FAM135A: variants seen among roughly 807,000 people sequenced by gnomAD.
The protein encoded by FAM135A is protein FAM135A.
In FAM135A, 79 loss-of-function variants were observed where a neutral mutation model predicts 146.8. The ratio of observed to expected loss-of-function variants is 0.54; its 90% CI spans 0.45 to 0.65. FAM135A has a LOEUF of 0.65. Ranked by LOEUF, FAM135A falls within the 30% of genes least tolerant of loss-of-function variation. FAM135A has a pLI of 0.00. For synonymous variants in FAM135A, 562 were observed against 603.6 expected, an observed-to-expected ratio of 0.93 and a Z score of 1.01; for missense variants, 1,623 against 1,758.2, an observed-to-expected ratio of 0.92 and a Z score of 1.38.
intron 12 of FAM135A, among the ~76,000 whole-genome samples, chr6:70,518,159 C>T (rs796278353): frequency 4.6e-5 from 7 of 152,048 alleles, no homozygotes; most frequent in African/African-American, 1.7e-4. Flanking sequence ...TCTAATGGAA[C>T]GATAAGAAAG....
intron 11 of FAM135A, among the ~76,000 whole-genome samples, chr6:70,500,485 A>G (rs950503167): frequency 1.3e-5 from 2 of 152,246 alleles, no homozygotes; most frequent in Admixed American, 6.5e-5. Flanking sequence ...CCTTCTGTCA[A>G]TTCGTCAGTC....
intron 12 of FAM135A, among the ~76,000 whole-genome samples, chr6:70,520,556 T>C (rs1454346468): frequency 6.6e-6 from 1 of 152,202 alleles, no homozygotes; most frequent in East Asian, 1.9e-4. Flanking sequence ...CTTGGCTGTC[T>C]TCCTCCTAGC....
At position 70,457,993 on chromosome 6, in the gene FAM135A, T is replaced by G. The variant is rs187671432; in HGVS notation, c.157+5422T>G. On this transcript the variant is annotated intron_variant, in intron 5 of 21. Coordinates refer to ENST00000418814, the MANE Select transcript of FAM135A (RefSeq NM_001162529.3). ...ATGTAGTGATCTGATAGTTTACTAG[T>G]ATATTTAAAGGAAATATCTTTTAAA... Among the ~76,000 whole-genome samples the G allele has an allele frequency of 4.1e-4, 63 of 152,284 alleles. No individual in the cohort carries two copies. The East Asian group carries it at 0.011, about 26-fold the overall frequency.
intron 2 of FAM135A, among the ~76,000 whole-genome samples, chr6:70,419,161 C>T (rs1052027383): frequency 1.3e-5 from 2 of 152,238 alleles, no homozygotes; most frequent in African/African-American, 4.8e-5. Context: ...TGGCTCACGC[C>T]TGTAATCCCA....
chr6:70,481,541 G>A (rs1017085984), intron 9 of FAM135A, among the ~76,000 whole-genome samples: 2 of 152,022 alleles, frequency 1.3e-5, no homozygotes, highest in Non-Finnish European at 1.5e-5. Flanking sequence ...CCTGAGGCAG[G>A]TGAATCGCTT....
chr6:70,467,619 T>C (rs1316294107), intron 5 of FAM135A, among the ~76,000 whole-genome samples: 1 of 152,120 alleles, frequency 6.6e-6, no homozygotes, highest in East Asian at 1.9e-4. Flanking sequence ...ATGATATTTC[T>C]TCACCTTTAT....
chr6:70,559,818 C>G lies in FAM135A; in HGVS notation c.4445C>G (p.Thr1482Arg). The change falls in exon 22 of 22, where the codon ACA becomes AGA. Residue 1482 changes from threonine (T) to arginine (R), a missense_variant. Thr to Arg is a moderately conservative substitution (Grantham distance 71). This residue lies in a region of FAM135A where 138 missense variants were observed against 174.1 expected (regional missense o/e 0.79). Transcript: ENST00000418814. The stretch of plus-strand genomic sequence containing the variant: ...AATGTCATCAATGCATTGCCCAATA[C>G]AGCTGATTCACTCATTGGGAGAGCT... Reference protein sequence around the residue: ...RYNVINALPNTADSLIGRAAH... With the variant: ...RYNVINALPNRADSLIGRAAH... 1 of 1,614,082 alleles carries G rather than the reference C, an allele frequency of 6.2e-7. No individual in the cohort carries two copies. The highest frequency in any genetic ancestry group is 8.5e-7 in the Non-Finnish European group (1 of 1,179,950).
rs1801593310 is a variant in FAM135A at position 70,559,670 on chromosome 6, A to C, written c.4343-46A>C. ...AAATTGGCATAGTTTTTTTATTTTC[A>C]GTTACTATTGTGAACTAATTTTCCT... is the stretch of plus-strand genomic sequence containing the variant. On this transcript the variant is annotated intron_variant, in intron 21 of 21. Transcript: ENST00000418814. 6 of 1,450,658 alleles carry C rather than the reference A, an allele frequency of 4.1e-6. No homozygotes were observed. The East Asian group carries it at 1.4e-4, about 34-fold the overall frequency. The allele number at this position is 1,450,658 out of a possible 1,614,324, so 89.9% of individuals were successfully genotyped here.
intron 20 of FAM135A, among the ~76,000 whole-genome samples, chr6:70,555,001 G>A (rs1295695291): frequency 6.6e-6 from 1 of 152,128 alleles, no homozygotes; most frequent in East Asian, 1.9e-4. Context: ...CAATTTATAG[G>A]AAATGTGTGC....
intron 21 of FAM135A, chr6:70,557,718 A>C (rs1159764754): frequency 6.7e-6 from 1 of 149,734 alleles, no homozygotes. Context: ...AAAAAAAAAA[A>C]CCCTGGTCTC....
At chr6:70,554,987 C>T (rs1489894607) in intron 20 of FAM135A, among the ~76,000 whole-genome samples, 1 of 152,184 alleles carries the variant, frequency 6.6e-6, no homozygotes. Flanking sequence ...AGATTTAGCT[C>T]ATTCAATTTA....
At position 70,556,878 on chromosome 6, in the gene FAM135A, T is replaced by G. The variant is rs767955284; in HGVS notation, c.4342+15T>G. 5.6e-6 allele frequency: 9 copies of G among 1,607,270 alleles called. No homozygotes were observed. The South Asian group carries it at 8.8e-5, about 16-fold the overall frequency. On this transcript the variant is annotated intron_variant, in intron 21 of 21. Transcript: ENST00000418814. ...CAAACAGTCAGGTAATGGAATAAAATTATTTCAAAGAGTTATAGGTATTAA... is the reference window on the plus strand; with the variant it reads ...CAAACAGTCAGGTAATGGAATAAAAGTATTTCAAAGAGTTATAGGTATTAA...
At chr6:70,449,573 T>G (rs889750718) in intron 4 of FAM135A, among the ~76,000 whole-genome samples, 2 of 152,216 alleles carry the variant, frequency 1.3e-5, no homozygotes, top group South Asian at 2.1e-4. Context: ...TTGTTGCAAA[T>G]GACAGAATTT....
intron 5 of FAM135A, among the ~76,000 whole-genome samples, chr6:70,460,223 C>G (rs1406367159): frequency 1.3e-5 from 2 of 152,188 alleles, no homozygotes; most frequent in Non-Finnish European, 2.9e-5. Context: ...CCCTCTCCCC[C>G]AACCTTTTAA....
intron 18 of FAM135A, among the ~76,000 whole-genome samples, chr6:70,535,167 C>G (rs994166532): frequency 6.6e-6 from 1 of 152,108 alleles, no homozygotes; most frequent in African/African-American, 2.4e-5. Flanking sequence ...AGAATTCCCA[C>G]CCCCACTACT....
At chr6:70,515,950 A>G (rs1792091338) in intron 12 of FAM135A, among the ~76,000 whole-genome samples, 1 of 152,244 alleles carries the variant, frequency 6.6e-6, no homozygotes, top group African/African-American at 2.4e-5. Context: ...TTTTTAAAAA[A>G]TTGCCTACTT....
intron 12 of FAM135A, among the ~76,000 whole-genome samples, chr6:70,514,105 T>G (rs1791669256): frequency 6.6e-6 from 1 of 151,994 alleles, no homozygotes; most frequent in Non-Finnish European, 1.5e-5. Context: ...TTCTGCCCCA[T>G]TTCTTTCCCT....
chr6:70,513,983 GTTGT>G (rs947338035), intron 12 of FAM135A, among the ~76,000 whole-genome samples: 4 of 147,532 alleles, frequency 2.7e-5, no homozygotes, highest in African/African-American at 9.8e-5. Context: ...TGTTTTTGTT[GTTGT>G]TTGTTTTTTT....
At chr6:70,545,451 A>G (rs1798684569) in intron 20 of FAM135A, among the ~76,000 whole-genome samples, 1 of 151,924 alleles carries the variant, frequency 6.6e-6, no homozygotes, top group African/African-American at 2.4e-5. Flanking sequence ...TGTCTCTACT[A>G]AAAATACAAA....
Sources: gnomAD v4.1 joint callset for allele counts (sites outside exome capture counted in the v4.1 genomes callset) on GRCh38, gnomAD v4.1.1 for gene constraint, gnomAD v4.1.1 regional missense constraint, MANE v1.5 for transcripts, NCBI Gene and HGNC (gene_info 2026-07-23, HGNC 2026-07-21) for gene names.